RBMS3: variants seen among roughly 807,000 people sequenced by gnomAD.
RBMS3 encodes the protein RNA-binding motif, single-stranded-interacting protein 3.
RBMS3 carries 27 observed loss-of-function variants against 66.8 expected under a neutral mutation model. That is an observed-to-expected ratio of 0.40 (90% CI 0.30 to 0.56). The LOEUF is 0.56. Ranked by LOEUF, RBMS3 falls within the 20% of genes least tolerant of loss-of-function variation. The pLI, the probability that RBMS3 is intolerant of heterozygous loss-of-function variation, is 0.40. For synonymous variants in RBMS3, 188 were observed against 183.0 expected (o/e 1.03, Z -0.22); for missense variants, 513 against 549.5 (o/e 0.93, Z 0.66).
At chr3:29,688,022 C>T (rs10865828) in intron 4 of RBMS3, among the ~76,000 whole-genome samples, 87,872 of 151,958 alleles carry the variant, frequency 0.58, 25,570 homozygotes, top group African/African-American at 0.63. Context: ...GAATAATTAC[C>T]GTTAGTTTCA....
intron 2 of RBMS3, among the ~76,000 whole-genome samples, chr3:29,444,755 C>T (rs1183949441): frequency 1.5e-5 from 2 of 133,458 alleles, no homozygotes; most frequent in African/African-American, 5.4e-5. Context: ...CTTTCTTCAT[C>T]ACTCAACAAT....
In RBMS3 at chr3:29,988,177, A is replaced by G; in HGVS notation, c.1133A>G (p.Tyr378Cys). 4 of 1,613,446 alleles carry G rather than the reference A, an allele frequency of 2.5e-6. No homozygotes were observed. Among genetic ancestry groups the G allele is most frequent in the South Asian group, 1.1e-5 (1 of 91,074 alleles). ...MTAAAPMQGT[Y>C]IPQYTPVPPT... ...GCTGCTGCTCCTATGCAAGGGACCT[A>G]CATTCCTCAGTACACGCCTGTGCCT... The change falls in exon 13 of 15, where the codon TAC becomes TGC. Residue 378 changes from tyrosine to cysteine, a missense_variant. Tyr to Cys is a radical substitution (Grantham distance 194, BLOSUM62 -2). Coordinates refer to ENST00000383767, the MANE Select transcript of RBMS3 (RefSeq NM_001003793.3).
intron 4 of RBMS3, among the ~76,000 whole-genome samples, chr3:29,620,722 CTAAT>C (rs1025080864): frequency 3.9e-5 from 6 of 151,980 alleles, no homozygotes; most frequent in Non-Finnish European, 8.8e-5. Flanking sequence ...AAAAATGTGT[CTAAT>C]TAACTTTTTC....
At chr3:29,298,549 A>G (rs2033449078) in intron 1 of RBMS3, among the ~76,000 whole-genome samples, 2 of 151,884 alleles carry the variant, frequency 1.3e-5, no homozygotes, top group South Asian at 4.1e-4. Context: ...AAAGATACTA[A>G]AGCTAAGACA....
chr3:29,837,663 CATATATAT>C (rs3070797), intron 6 of RBMS3, among the ~76,000 whole-genome samples: 832 of 67,590 alleles, frequency 0.012, 15 homozygotes, highest in East Asian at 0.035. Context: ...ATATAATGAA[CATATATAT>C]ATATATATAT....
chr3:29,934,051 C>A (rs1040696812), intron 10 of RBMS3: 4 of 152,072 alleles, frequency 2.6e-5, no homozygotes, highest in Non-Finnish European at 5.9e-5. Flanking sequence ...AATGAGACAA[C>A]CTCCAGGGTA....
At chr3:29,992,961 G>A (rs978350542) in intron 14 of RBMS3, among the ~76,000 whole-genome samples, 1 of 152,178 alleles carries the variant, frequency 6.6e-6, no homozygotes, top group African/African-American at 2.4e-5. Flanking sequence ...TCAGTAGCCT[G>A]ACTAAAAGTT....
chr3:29,691,243 A>G (rs2051992772), intron 4 of RBMS3, among the ~76,000 whole-genome samples: 2 of 152,238 alleles, frequency 1.3e-5, no homozygotes, highest in Non-Finnish European at 2.9e-5. Flanking sequence ...TTTGCAGAAC[A>G]AAAGTTTTCT....
chr3:29,510,653 ATTT>A (rs2044362111), intron 3 of RBMS3, among the ~76,000 whole-genome samples: 1 of 152,076 alleles, frequency 6.6e-6, no homozygotes, highest in African/African-American at 2.4e-5. Context: ...TCCAATAAGC[ATTT>A]TCTTGGAGCA....
At position 29,642,087 on chromosome 3, in the gene RBMS3, G is replaced by A. The variant is rs138365745; in HGVS notation, c.399+54882G>A. On this transcript the variant is annotated intron_variant, in intron 4 of 14. Coordinates refer to ENST00000383767, the MANE Select transcript of RBMS3 (RefSeq NM_001003793.3). ...CTGCTTTCACTTACTGAACATGCAC[G>A]CTGTGGCAGGCTCACTGCTGATATT... Among the ~76,000 whole-genome samples the A allele has an allele frequency of 5.8e-4, 88 of 152,148 alleles. 1 individual carries two copies. The highest frequency in any genetic ancestry group is 3.3e-4 in the Admixed American group (5 of 15,250).
At chr3:29,532,568 T>A (rs985800955) in intron 3 of RBMS3, among the ~76,000 whole-genome samples, 2 of 151,844 alleles carry the variant, frequency 1.3e-5, no homozygotes, top group Admixed American at 1.3e-4. Context: ...TACAAAAAAA[T>A]AAAATTTAAA....
chr3:29,721,444 A>G (rs1421746046), intron 4 of RBMS3, among the ~76,000 whole-genome samples: 1 of 152,132 alleles, frequency 6.6e-6, no homozygotes, highest in African/African-American at 2.4e-5. Flanking sequence ...TTGGCATGAC[A>G]GATTCTTTCA....
chr3:29,551,551 C>T (rs944069134), intron 3 of RBMS3, among the ~76,000 whole-genome samples: 7 of 152,026 alleles, frequency 4.6e-5, no homozygotes, highest in Non-Finnish European at 8.8e-5. Context: ...TAATCAGTCT[C>T]GATTGTATGT....
chr3:29,347,616 G>A (rs558915085), intron 1 of RBMS3, among the ~76,000 whole-genome samples: 3 of 152,134 alleles, frequency 2.0e-5, no homozygotes, highest in Non-Finnish European at 2.9e-5. Context: ...TGGATTCCAC[G>A]CAGTTTCCAA....
intron 1 of RBMS3, among the ~76,000 whole-genome samples, chr3:29,312,410 CAA>C (rs569402888): frequency 1.3e-5 from 2 of 151,790 alleles, no homozygotes; most frequent in Non-Finnish European, 3.0e-5. Flanking sequence ...CATAGGGACA[CAA>C]GAGAACAAAG....
intron 6 of RBMS3, among the ~76,000 whole-genome samples, chr3:29,853,936 G>A (rs2059008584): frequency 6.6e-6 from 1 of 152,154 alleles, no homozygotes; most frequent in Non-Finnish European, 1.5e-5. Flanking sequence ...AAGCATTCTG[G>A]TAGCCCCAGG....
rs145858220 is a variant in RBMS3, at chr3:29,343,171, G to A, written c.75+61415G>A. Among the ~76,000 whole-genome samples the A allele has an allele frequency of 1.7e-3, 252 of 152,166 alleles. 2 individuals are homozygous for A. The highest frequency in any genetic ancestry group is 5.2e-3 in the African/African-American group (217 of 41,528). On this transcript the variant is annotated intron_variant, in intron 1 of 14. Transcript: ENST00000383767. ...ACAACCTAAGGAAGAGCTTCCATGC[G>A]TACACAGAGGTTATGAGTTGTGGTC...
chr3:29,856,308 G>T (rs1266831297), intron 6 of RBMS3, among the ~76,000 whole-genome samples: 1 of 152,082 alleles, frequency 6.6e-6, no homozygotes, highest in African/African-American at 2.4e-5. Context: ...GGGAAAAGCG[G>T]TCAGGAAATA....
chr3:29,530,871 C>CAA (rs5847575), intron 3 of RBMS3, among the ~76,000 whole-genome samples: 12 of 106,856 alleles, frequency 1.1e-4, no homozygotes, highest in Admixed American at 2.0e-4. Flanking sequence ...GATTCCATCT[C>CAA]AAAAAAAAAA....
Sources: gnomAD v4.1 joint callset for allele counts (sites outside exome capture counted in the v4.1 genomes callset) on GRCh38, gnomAD v4.1.1 for gene constraint, MANE v1.5 for transcripts, NCBI Gene and HGNC (gene_info 2026-07-23, HGNC 2026-07-21) for gene names.